The following EPB41L1 variants were observed in gnomAD, a reference collection of about 807,000 sequenced individuals.
The protein encoded by EPB41L1 is band 4.1-like protein 1.
EPB41L1 carries 29 observed loss-of-function variants against 97.8 expected under a neutral mutation model. The ratio of observed to expected loss-of-function variants is 0.30; its 90% CI spans 0.22 to 0.40. The LOEUF (loss-of-function observed/expected upper bound fraction) is 0.40. EPB41L1 is among the 10% of genes least tolerant of loss of function. EPB41L1 has a pLI of 1.00. For synonymous variants in EPB41L1, 383 were observed against 459.2 expected, an observed-to-expected ratio of 0.83 and a Z score of 2.12; for missense variants, 812 against 1,162.3, an observed-to-expected ratio of 0.70 and a Z score of 4.38.
At chr20:36,214,327 C>T (rs1212324413) in intron 16 of EPB41L1, 30 bp from the exon 17 acceptor site, 2 of 1,599,264 alleles carry the variant, frequency 1.3e-6, no homozygotes, top group Middle Eastern at 3.3e-4. Context: ...CCCAGCTCTC[C>T]CCAGCTCTAA....
At chr20:36,179,871 G>A (rs1403046668) in intron 5 of EPB41L1, among the ~76,000 whole-genome samples, 1 of 152,214 alleles carries the variant, frequency 6.6e-6, no homozygotes, top group African/African-American at 2.4e-5. Flanking sequence ...CTCCTCGGGG[G>A]GCTGACAGAT....
chr20:36,139,306 C>T (rs1026034585), intron 2 of EPB41L1, among the ~76,000 whole-genome samples: 4 of 152,186 alleles, frequency 2.6e-5, no homozygotes, highest in Admixed American at 6.5e-5. Flanking sequence ...GTACAATTGC[C>T]TTTTTCTGAT....
At chr20:36,111,763 G>C (rs1282186579) in intron 1 of EPB41L1, among the ~76,000 whole-genome samples, 3 of 149,860 alleles carry the variant, frequency 2.0e-5, no homozygotes, top group Admixed American at 1.3e-4. Flanking sequence ...CTCCAGCCTG[G>C]GCGACAGAGC....
In EPB41L1 at chr20:36,188,502, G is replaced by A. The variant is rs764291021; in HGVS notation, c.1026+3G>A. 11 of 1,611,946 alleles carry A rather than the reference G, an allele frequency of 6.8e-6. No homozygotes were observed. In the Admixed American group the frequency reaches 1.7e-4, roughly 24 times the overall value. Reference sequence around the variant, plus strand: ...ATATCAAGATCCGGCCTGGGGAGGTGAGTCTGCCTTGGGAAACACTCCTCC... The same window carrying A: ...ATATCAAGATCCGGCCTGGGGAGGTAAGTCTGCCTTGGGAAACACTCCTCC... On this transcript the variant is annotated splice_donor_region_variant and intron_variant, in intron 9 of 21. Transcript: ENST00000338074.
chr20:36,101,219 G>T (rs552409799), intron 1 of EPB41L1, among the ~76,000 whole-genome samples: 1 of 152,138 alleles, frequency 6.6e-6, no homozygotes, highest in Non-Finnish European at 1.5e-5. Flanking sequence ...CAGGTTCAGA[G>T]GTACATATCC....
rs2061894899 is a variant in EPB41L1 at position 36,190,410 on chromosome 20, G to A, written c.1124+36G>A. 3 of 1,604,996 alleles carry A rather than the reference G, an allele frequency of 1.9e-6. No individual in the cohort carries two copies. Among genetic ancestry groups the A allele is most frequent in the East Asian group, 4.5e-5 (2 of 44,798 alleles). On this transcript the variant is annotated intron_variant, in intron 10 of 21. Transcript: ENST00000338074. This position sits in a 1 kb window ranked among gnomAD's most constrained non-coding sequence, Gnocchi z 5.8. ...CCTTGGATGGGGTAATGGGGATGGGGCAGAGGCCATGTGTATGGAGGGGAG... is the reference window on the plus strand; with the variant it reads ...CCTTGGATGGGGTAATGGGGATGGGACAGAGGCCATGTGTATGGAGGGGAG...
chr20:36,158,722 C>T (rs6089005), intron 1 of EPB41L1, among the ~76,000 whole-genome samples: 1 of 152,170 alleles, frequency 6.6e-6, no homozygotes, highest in African/African-American at 2.4e-5. Flanking sequence ...TTTCCTCATT[C>T]GTAAAATGCA....
rs142392996 is a variant in EPB41L1, at chr20:36,209,880, G to A, written c.2061G>A (p.Pro687=). The A allele has an allele frequency of 9.2e-5, 149 of 1,613,190 alleles. 2 individuals carry two copies. The highest frequency in any genetic ancestry group is 6.4e-5 in the Non-Finnish European group (76 of 1,179,996). The change falls in exon 15 of 22, where the codon CCG becomes CCA. Residue 687 remains proline (P), a synonymous_variant. Coordinates refer to ENST00000338074, the MANE Select transcript of EPB41L1 (RefSeq NM_012156.2). This position sits in a 1 kb window ranked among gnomAD's most constrained non-coding sequence, Gnocchi z 4.2. ...CGGATCGAGGGGCCTGCTCCACCCC[G>A]GATATGCCCCAGTTTGAGGTACAGT... The part of the protein sequence containing the change: ...DSPDRGACST[P]DMPQFEPVKT...
At chr20:36,151,019 T>G (rs2060029094), upstream of EPB41L1, 1 of 152,198 alleles carries the variant, frequency 6.6e-6, no homozygotes, top group Non-Finnish European at 1.5e-5. Flanking sequence ...CCTTGGCAAG[T>G]CACTGCTTTG....
Position 36,229,455 on chromosome 20 carries a change from G to A in EPB41L1, c.*115G>A. 1.0e-6 allele frequency: 1 copy of A among 967,532 alleles called. No individual in the cohort carries two copies. The highest frequency in any genetic ancestry group is 1.7e-5 in the Admixed American group (1 of 58,790). 59.9% of individuals were successfully genotyped at this position (967,532 alleles called of 1,614,324 possible). ...ACTGACGTCCCAGCTGCGACGTACT[G>A]TCACTGATGAGAGACTGGGAAGGGA... is the stretch of plus-strand genomic sequence containing the variant. On this transcript the variant is annotated 3_prime_UTR_variant, in exon 22 of 22. Coordinates refer to ENST00000338074, the MANE Select transcript of EPB41L1 (RefSeq NM_012156.2).
At chr20:36,210,973 G>T (rs1435520207) in intron 15 of EPB41L1, among the ~76,000 whole-genome samples, 1 of 152,216 alleles carries the variant, frequency 6.6e-6, no homozygotes, top group Non-Finnish European at 1.5e-5. Flanking sequence ...GCTGAGGCAA[G>T]AAGGCAGGGG....
chr20:36,194,533 G>A (rs973815243), intron 12 of EPB41L1, among the ~76,000 whole-genome samples, 173 bp downstream of exon 12: 5 of 152,324 alleles, frequency 3.3e-5, no homozygotes, highest in South Asian at 2.1e-4. Flanking sequence ...GGCCCTTGCC[G>A]GGATGGGGTG....
Position 36,207,107 on chromosome 20 carries a change from C to T in EPB41L1, c.1669-2381C>T. 1 of 1,289,396 alleles carries T rather than the reference C, an allele frequency of 7.8e-7. No individual in the cohort carries two copies. Among genetic ancestry groups the T allele is most frequent in the Non-Finnish European group, 1.0e-6 (1 of 988,508 alleles). The allele number at this position is 1,289,396 out of a possible 1,614,324, so 79.9% of individuals were successfully genotyped here. A position where few individuals can be genotyped will look rare whatever the true frequency, so the allele number is the denominator to read the frequency against. On this transcript the variant is annotated intron_variant, in intron 14 of 21. Coordinates refer to ENST00000338074, the MANE Select transcript of EPB41L1 (RefSeq NM_012156.2). This position sits in a 1 kb window ranked among gnomAD's most constrained non-coding sequence, Gnocchi z 4.9. ...CCCCTGCCAGCCTCCCCTGGTCATT[C>T]TGAGGACCTGGCAGCTCTGGAGGAA...
chr20:36,157,763 GA>G (rs2060369367), intron 1 of EPB41L1, among the ~76,000 whole-genome samples: 1 of 152,212 alleles, frequency 6.6e-6, no homozygotes, highest in Non-Finnish European at 1.5e-5. Context: ...CAGAAGTGGG[GA>G]AACACCAGAC....
chr20:36,176,704 TCC>T (rs1179216965), intron 3 of EPB41L1, among the ~76,000 whole-genome samples: 1 of 150,446 alleles, frequency 6.6e-6, no homozygotes, highest in Non-Finnish European at 1.5e-5. Flanking sequence ...CGATCTCAGC[TCC>T]CTGCAACCTC....
upstream of EPB41L1, chr20:36,152,918 T>C (rs576395157): frequency 6.6e-6 from 3 of 454,440 alleles, no homozygotes; most frequent in Admixed American, 4.7e-5. Flanking sequence ...CTCGTCCTTC[T>C]GTCAGTCGGC....
At position 36,190,458 on chromosome 20, in the gene EPB41L1, C is replaced by T. The variant is rs1280081824; in HGVS notation, c.1124+84C>T. ...GAGCAGGGGGAGGAGTTAGTGAGAA[C>T]TCTAGGAAAGTCCTCCACCCTTTCC... is the stretch of plus-strand genomic sequence containing the variant. On this transcript the variant is annotated intron_variant, in intron 10 of 21. Transcript: ENST00000338074. This position sits in a 1 kb window ranked among gnomAD's most constrained non-coding sequence, Gnocchi z 5.8. 3.2e-6 allele frequency: 5 copies of T among 1,542,142 alleles called. No homozygotes were observed. Among genetic ancestry groups the T allele is most frequent in the Non-Finnish European group, 4.4e-6 (5 of 1,126,366 alleles).
In EPB41L1 at chr20:36,188,581, A is replaced by AAC. The variant is rs55990020; in HGVS notation, c.1026+142_1026+143dup. ...CCCTGGCAGCTGGGCCTGGACTGCC[A>AAC]ACACACACACACACACACACACACA... On this transcript the variant is annotated intron_variant, in intron 9 of 21. Transcript: ENST00000338074. 4,424 of 466,610 alleles carry AAC rather than the reference A, an allele frequency of 9.5e-3. 104 individuals are homozygous for AAC. Among genetic ancestry groups the AAC allele is most frequent in the African/African-American group, 0.023 (627 of 27,568 alleles). The allele number at this position is 466,610 out of a possible 1,614,324, so 28.9% of individuals were successfully genotyped here.
intron 9 of EPB41L1, among the ~76,000 whole-genome samples, chr20:36,188,811 C>G (rs773760119): frequency 9.3e-5 from 14 of 149,788 alleles, no homozygotes; most frequent in Non-Finnish European, 1.6e-4. Context: ...GAAACCCCGT[C>G]TCTACTAAAA....
Sources: gnomAD v4.1 joint callset for allele counts (sites outside exome capture counted in the v4.1 genomes callset) on GRCh38, gnomAD v4.1.1 for gene constraint, Gnocchi (gnomAD v3.1) non-coding constraint, MANE v1.5 for transcripts, NCBI Gene and HGNC (gene_info 2026-07-23, HGNC 2026-07-21) for gene names.